Variants in JMJD1C observed in about 807,000 individuals in gnomAD.
JMJD1C encodes the protein jumonji domain-containing protein 1C.
Under a neutral mutation model 245.3 loss-of-function variants are expected in JMJD1C, and 31 were observed. That is an observed-to-expected ratio of 0.13 (90% CI 0.09 to 0.17). The LOEUF is 0.17. Among genes scored for constraint, JMJD1C ranks in the 10% least tolerant of loss-of-function variants. JMJD1C has a pLI of 1.00. For missense variants in JMJD1C, 2,691 were observed against 3,000.2 expected (o/e 0.90, Z 2.41); for synonymous variants, 1,057 against 1,017.4 (o/e 1.04, Z -0.74).
chr10:63,205,020 T>C, intron 10 of JMJD1C: 3 of 985,362 alleles, frequency 3.0e-6, no homozygotes, highest in Non-Finnish European at 3.6e-6. Flanking sequence ...GCTTTCTGCA[T>C]TGTGCAACAT....
chr10:63,419,260 G>A (rs990541790), intron 1 of JMJD1C, among the ~76,000 whole-genome samples: 3 of 151,752 alleles, frequency 2.0e-5, no homozygotes, highest in Non-Finnish European at 4.4e-5. Flanking sequence ...GGTGGCAGGC[G>A]CCTGTAATTC....
intron 1 of JMJD1C, among the ~76,000 whole-genome samples, chr10:63,431,126 A>C (rs766592003): frequency 6.6e-6 from 1 of 152,232 alleles, no homozygotes; most frequent in Non-Finnish European, 1.5e-5. Flanking sequence ...GGGATTATAG[A>C]CTTTATAACC....
chr10:63,192,876 A>G lies in JMJD1C; in HGVS notation c.6076+62T>C, dbSNP rs1845002126. 43 of 1,206,612 alleles carry G rather than the reference A, an allele frequency of 3.6e-5. 3 individuals carry two copies. In the South Asian group the frequency reaches 5.1e-4, roughly 14 times the overall value. 74.7% of individuals were successfully genotyped at this position (1,206,612 alleles called of 1,614,324 possible). A position where few individuals can be genotyped will look rare whatever the true frequency, so the allele number is the denominator to read the frequency against. On this transcript the variant is annotated intron_variant, in intron 16 of 25. Transcript: ENST00000399262. ...TAACAGTACTTTATTGTACAATAGTACATTGTTGGTTAGTTATACTATACT... is the reference window on the plus strand; with the variant it reads ...TAACAGTACTTTATTGTACAATAGTGCATTGTTGGTTAGTTATACTATACT...
intron 1 of JMJD1C, among the ~76,000 whole-genome samples, chr10:63,447,965 G>A (rs993161463): frequency 6.6e-6 from 1 of 151,460 alleles, no homozygotes; most frequent in Non-Finnish European, 1.5e-5. Context: ...AAGAGAGAGA[G>A]AAAGAAAAAA....
At chr10:63,189,606 G>A (rs1024250125) in intron 17 of JMJD1C, among the ~76,000 whole-genome samples, 160 bp from the exon 18 acceptor site, 2 of 152,086 alleles carry the variant, frequency 1.3e-5, no homozygotes, top group Non-Finnish European at 2.9e-5. Context: ...ATGCAAACCA[G>A]AAGTCTGGTT....
rs1844475581 is a variant in JMJD1C, at chr10:63,189,199, T to C, written c.6539A>G (p.Lys2180Arg). ...TTGTTTCCAACATTCTTTGAAAAGC[T>C]TCCAATTACTGCTATTCTTATAATC... ...LKDYKNSSNW[K>R]LFKECWKQGQ... The change falls in exon 18 of 26, where the codon AAG becomes AGG. Residue 2180 changes from lysine to arginine, a missense_variant. Lys to Arg is a conservative substitution (Grantham distance 26). Coordinates refer to ENST00000399262, the MANE Select transcript of JMJD1C (RefSeq NM_032776.3). 1.9e-6 allele frequency: 3 copies of C among 1,610,316 alleles called. No homozygotes were observed. The East Asian group carries it at 6.7e-5, about 36-fold the overall frequency.
intron 1 of JMJD1C, among the ~76,000 whole-genome samples, chr10:63,456,407 T>C (rs544565272): frequency 3.9e-5 from 6 of 152,304 alleles, no homozygotes; most frequent in African/African-American, 1.2e-4. Context: ...ATTCCATCTA[T>C]AGAATCACAA....
intron 24 of JMJD1C, among the ~76,000 whole-genome samples, chr10:63,172,015 GT>G (rs1285462810): frequency 1.3e-5 from 2 of 152,204 alleles, no homozygotes; most frequent in African/African-American, 4.8e-5. Context: ...AAAGAGCTGT[GT>G]TGTTGTCATT....
chr10:63,386,235 T>G (rs2134550396), intron 1 of JMJD1C, among the ~76,000 whole-genome samples: 1 of 152,224 alleles, frequency 6.6e-6, no homozygotes, highest in African/African-American at 2.4e-5. Context: ...AATACAAACT[T>G]CACAGACCCC....
At chr10:63,464,852 G>C (rs189742319) in intron 1 of JMJD1C, among the ~76,000 whole-genome samples, 54 of 152,262 alleles carry the variant, frequency 3.5e-4, no homozygotes, top group African/African-American at 1.3e-3. Flanking sequence ...GACAGAAAGA[G>C]AGATTACCCT....
In JMJD1C at chr10:63,500,746, A is replaced by AAGGATGGATGGAT. The variant is rs1954524044; in HGVS notation, n.113+20991_113+20992insATCCATCCATCCT. Among the ~76,000 whole-genome samples, 286 of 112,172 alleles carry AAGGATGGATGGAT rather than the reference A, an allele frequency of 2.5e-3. 1 individual carries two copies. Among genetic ancestry groups the AAGGATGGATGGAT allele is most frequent in the African/African-American group, 8.4e-3 (278 of 33,200 alleles). The allele number at this position is 112,172 out of a possible 152,430, so 73.6% of individuals were successfully genotyped here. On this transcript the variant is annotated intron_variant and non_coding_transcript_variant, in intron 1 of 3. Transcript: ENST00000633035. The stretch of plus-strand genomic sequence containing the variant: ...CTCGATGGATGGATGGATGGATGGA[A>AAGGATGGATGGAT]GGATGGATGGATGGATGGATGGATG...
intron 3 of JMJD1C, among the ~76,000 whole-genome samples, chr10:63,220,454 T>G (rs561835123): frequency 6.6e-6 from 1 of 152,360 alleles, no homozygotes; most frequent in East Asian, 1.9e-4. Context: ...GATTTAAATG[T>G]CATCAAATTC....
rs999145394 is a variant in JMJD1C at position 63,295,069 on chromosome 10, T to TA, written c.334-30306dup. 2.6e-3 allele frequency among the ~76,000 whole-genome samples: 379 copies of TA among 148,390 alleles called. 1 individual carries two copies. Among genetic ancestry groups the TA allele is most frequent in the African/African-American group, 8.1e-3 (327 of 40,496 alleles). ...AGATAAAGATTCTTTCTGAAGTAGT[T>TA]AAAAAAAAAAGGAATAGCATTTAGA... On this transcript the variant is annotated intron_variant, in intron 2 of 25. Transcript: ENST00000399262.
intron 2 of JMJD1C, among the ~76,000 whole-genome samples, chr10:63,284,983 T>C (rs1257219509): frequency 3.3e-5 from 5 of 151,968 alleles, no homozygotes; most frequent in Non-Finnish European, 7.4e-5. Flanking sequence ...TTAAATTAGC[T>C]TGCACATCTT....
chr10:63,423,720 C>A (rs945448673), intron 1 of JMJD1C, among the ~76,000 whole-genome samples: 1 of 152,230 alleles, frequency 6.6e-6, no homozygotes, highest in Non-Finnish European at 1.5e-5. Context: ...AATTGCCAAG[C>A]TGCTTTCAAC....
intron 24 of JMJD1C, among the ~76,000 whole-genome samples, chr10:63,174,248 T>C (rs1170886188): frequency 6.6e-6 from 1 of 152,244 alleles, no homozygotes; most frequent in African/African-American, 2.4e-5. Flanking sequence ...ATGTTTATGA[T>C]AGCTTTATCT....
chr10:63,480,597 G>A (rs140255766), intron 1 of JMJD1C, among the ~76,000 whole-genome samples: 1 of 148,920 alleles, frequency 6.7e-6, no homozygotes, highest in Non-Finnish European at 1.5e-5. Flanking sequence ...GCTTCCTTCA[G>A]TGGATGTTAT....
intron 1 of JMJD1C, among the ~76,000 whole-genome samples, chr10:63,504,862 A>G (rs1456456077): frequency 6.6e-6 from 1 of 152,158 alleles, no homozygotes; most frequent in African/African-American, 2.4e-5. Context: ...CAAAAAATAA[A>G]AATAAAATGT....
intron 3 of JMJD1C, among the ~76,000 whole-genome samples, chr10:63,255,432 C>T (rs1311462174): frequency 6.6e-6 from 1 of 152,110 alleles, no homozygotes; most frequent in Non-Finnish European, 1.5e-5. Flanking sequence ...GAAGCAGTAT[C>T]TATGAGTTAG....
Sources: allele counts gnomAD v4.1 joint callset (sites outside exome capture counted in the v4.1 genomes callset), GRCh38; gene constraint gnomAD v4.1.1; transcripts MANE v1.5; gene names NCBI Gene and HGNC (gene_info 2026-07-23, HGNC 2026-07-21).